NPHS1: variants seen among roughly 807,000 people sequenced by gnomAD.
The protein encoded by NPHS1 is nephrin.
Under a neutral mutation model 139.7 loss-of-function variants are expected in NPHS1, and 107 were observed. That is an observed-to-expected ratio of 0.77 (90% CI 0.66 to 0.90). The LOEUF is 0.90. NPHS1 is among the 40% of genes least tolerant of loss of function. NPHS1 has a pLI of 0.00. For synonymous variants in NPHS1, 707 were observed against 706.6 expected, an observed-to-expected ratio of 1.00 and a Z score of -0.01; for missense variants, 1,580 against 1,654.2, an observed-to-expected ratio of 0.96 and a Z score of 0.78.
At chr19:35,830,798 C>G (rs1489494151) in intron 28 of NPHS1, 46 bp downstream of exon 28, 1 of 1,214,228 alleles carries the variant, frequency 8.2e-7, no homozygotes. Flanking sequence ...GAGGTAGGCT[C>G]CCAGCACTAG....
chr19:35,826,389 C>T lies in NPHS1; in HGVS notation c.*125G>A, dbSNP rs1230512514. 6.2e-6 allele frequency: 7 copies of T among 1,136,400 alleles called. No homozygotes were observed. The highest frequency in any genetic ancestry group is 1.8e-5 in the Admixed American group (1 of 55,010). The allele number at this position is 1,136,400 out of a possible 1,614,324, so 70.4% of individuals were successfully genotyped here. ...TGTCACTCAGCCCCCTCCATGTCCT[C>T]TCCTGACACCAAGTCCCTTTGGGTT... On this transcript the variant is annotated 3_prime_UTR_variant, in exon 29 of 29. Transcript: ENST00000378910.
At chr19:35,847,865 A>C in intron 11 of NPHS1, 176 bp downstream of exon 11, 1 of 654,626 alleles carries the variant, frequency 1.5e-6, no homozygotes, top group Non-Finnish European at 2.5e-6. Flanking sequence ...CTAGGATTCC[A>C]TTTAATTCTC....
At chr19:35,836,457 C>T (rs1053030319) in intron 22 of NPHS1, among the ~76,000 whole-genome samples, 1 of 152,022 alleles carries the variant, frequency 6.6e-6, no homozygotes, top group Non-Finnish European at 1.5e-5. Context: ...TTTCGGTGTG[C>T]AAGGTCCTTT....
intron 28 of NPHS1, among the ~76,000 whole-genome samples, chr19:35,827,508 C>T (rs1972814412): frequency 6.6e-6 from 1 of 152,092 alleles, no homozygotes; most frequent in Non-Finnish European, 1.5e-5. Flanking sequence ...AACCCTTGGT[C>T]AATTGATTTC....
In NPHS1 at chr19:35,831,071, C is replaced by T; in HGVS notation, c.3463G>A (p.Glu1155Lys). Residue 1155 changes from glutamate (E) to lysine (K), a missense_variant, in exon 27 of 29, where the codon GAG becomes AAG. Glu to Lys is a moderately conservative substitution (Grantham distance 56). Coordinates refer to ENST00000378910, the MANE Select transcript of NPHS1 (RefSeq NM_004646.4). ...FSPQLPPTQE[E>K]VSYSRGFTGE... Reference sequence around the variant, plus strand: ...AACTCACCTCGGGAATAAGACACCTCCTCCTGCGTCGGGGGCAGCTGGGGG... The same window carrying T: ...AACTCACCTCGGGAATAAGACACCTTCTCCTGCGTCGGGGGCAGCTGGGGG... 1.2e-6 allele frequency: 2 copies of T among 1,614,126 alleles called. No individual in the cohort carries two copies. The highest frequency in any genetic ancestry group is 1.7e-6 in the Non-Finnish European group (2 of 1,180,018).
In NPHS1 at chr19:35,831,727, C is replaced by A; in HGVS notation, c.3202G>T (p.Ala1068Ser). The A allele has an allele frequency of 6.3e-7, 1 of 1,588,586 alleles. No individual in the cohort carries two copies. Among genetic ancestry groups the A allele is most frequent in the South Asian group, 1.1e-5 (1 of 87,838 alleles). ...SGLPLLPVLF[A>S]LGGLLLLSNA... ...GAGAGGAGCAGAAGCCCCCCAAGAG[C>A]GAACAGCACAGGCAGCAGGGGCAGC... The change falls in exon 24 of 29, where the codon GCT (alanine) becomes TCT (serine). Residue 1068 changes from alanine to serine, a missense_variant. Transcript: ENST00000378910.
At chr19:35,836,951 A>G (rs1408412640) in intron 22 of NPHS1, among the ~76,000 whole-genome samples, 3 of 149,740 alleles carry the variant, frequency 2.0e-5, no homozygotes, top group African/African-American at 7.4e-5. Context: ...AGCCGAGATC[A>G]TGCCACTGTA....
At position 35,845,235 on chromosome 19, in the gene NPHS1, A is replaced by T; in HGVS notation, c.1930+133T>A. The stretch of plus-strand genomic sequence containing the variant: ...CAGTGACCTATGATTGCGTCACTGC[A>T]TTGCAGCCTGAGCGACAAAAAATGA... On this transcript the variant is annotated intron_variant, in intron 14 of 28. Coordinates refer to ENST00000378910, the MANE Select transcript of NPHS1 (RefSeq NM_004646.4). This position sits in a 1 kb window ranked among gnomAD's most constrained non-coding sequence, Gnocchi z 5.5. 1 of 1,028,988 alleles carries T rather than the reference A, an allele frequency of 9.7e-7. No homozygotes were observed. The highest frequency in any genetic ancestry group is 1.5e-6 in the Non-Finnish European group (1 of 674,878). The allele number at this position is 1,028,988 out of a possible 1,614,324, so 63.7% of individuals were successfully genotyped here. A position where few individuals can be genotyped will look rare whatever the true frequency, so the allele number is the denominator to read the frequency against.
intron 28 of NPHS1, among the ~76,000 whole-genome samples, chr19:35,828,478 C>T (rs996561876): frequency 2.6e-5 from 4 of 152,128 alleles, no homozygotes; most frequent in African/African-American, 4.8e-5. Context: ...GTTGGTCAGG[C>T]TGGTCTCAAA....
At chr19:35,830,334 C>T (rs1972859397) in intron 28 of NPHS1, among the ~76,000 whole-genome samples, 1 of 152,254 alleles carries the variant, frequency 6.6e-6, no homozygotes, top group South Asian at 2.1e-4. Context: ...GGGTTGAACC[C>T]CCAGTGAACT....
chr19:35,845,425 C>G lies in NPHS1; in HGVS notation c.1873G>C (p.Ala625Pro). 1 of 1,614,196 alleles carries G rather than the reference C, an allele frequency of 6.2e-7. No individual in the cohort carries two copies. The highest frequency in any genetic ancestry group is 1.1e-5 in the South Asian group (1 of 91,086). The change falls in exon 14 of 29, where the codon GCC (alanine) becomes CCC (proline). Residue 625 changes from alanine (A) to proline (P), a missense_variant. Ala to Pro is a conservative substitution (Grantham distance 27, BLOSUM62 -1). Coordinates refer to ENST00000378910, the MANE Select transcript of NPHS1 (RefSeq NM_004646.4). This position sits in a 1 kb window ranked among gnomAD's most constrained non-coding sequence, Gnocchi z 5.5. ...GTTTCGCGGAGCTCGGCGCTGTGGG[C>G]GCGGCAGGTCACGCGCTGGCCATGA... ...RDHGQRVTCR[A>P]HSAELRETVS...
rs1337775973 is a variant in NPHS1 at position 35,845,452 on chromosome 19, C to G, written c.1846G>C (p.Asp616His). 1.2e-6 allele frequency: 2 copies of G among 1,614,044 alleles called. No homozygotes were observed. The highest frequency in any genetic ancestry group is 1.7e-5 in the Admixed American group (1 of 60,004). The change falls in exon 14 of 29, where the codon GAT becomes CAT. Residue 616 changes from aspartate (D) to histidine (H), a missense_variant. Coordinates refer to ENST00000378910, the MANE Select transcript of NPHS1 (RefSeq NM_004646.4). The surrounding 1 kb of genome is among the most constrained non-coding windows in gnomAD (Gnocchi z 5.5). ...RSVLLQVSSR[D>H]HGQRVTCRAH... ...CGGCAGGTCACGCGCTGGCCATGATCGCGGGATGACACTTGCAGAAGGACG... is the reference window on the plus strand; with the variant it reads ...CGGCAGGTCACGCGCTGGCCATGATGGCGGGATGACACTTGCAGAAGGACG...
chr19:35,827,380 TTGAGCCCCGGAG>T (rs1226080211), intron 28 of NPHS1, among the ~76,000 whole-genome samples: 1 of 152,078 alleles, frequency 6.6e-6, no homozygotes, highest in Non-Finnish European at 1.5e-5. Context: ...AGAGGATCGC[TTGAGCCCCGGAG>T]GTCAAGGCTG....
In NPHS1 at chr19:35,844,476, G is replaced by T. The variant is rs756917373; in HGVS notation, c.1931-17C>A. On this transcript the variant is annotated splice_polypyrimidine_tract_variant and intron_variant, in intron 14 of 28. Coordinates refer to ENST00000378910, the MANE Select transcript of NPHS1 (RefSeq NM_004646.4). The stretch of plus-strand genomic sequence containing the variant: ...CTGGACGGTCTTCAGAGGGGGCGCC[G>T]CAGGGAGTCAAGATTGTTGTTAAGG... The T allele has an allele frequency of 1.9e-6, 3 of 1,553,830 alleles. No homozygotes were observed. The highest frequency in any genetic ancestry group is 2.6e-6 in the Non-Finnish European group (3 of 1,152,176).
intron 8 of NPHS1, 54 bp downstream of exon 8, chr19:35,848,921 CA>C: frequency 6.2e-7 from 1 of 1,611,072 alleles, no homozygotes; most frequent in Non-Finnish European, 8.5e-7. Flanking sequence ...GGGGCACACA[CA>C]GATGGTTCTC....
At position 35,844,106 on chromosome 19, in the gene NPHS1, G is replaced by A. The variant is rs1169446435; in HGVS notation, c.2209C>T (p.His737Tyr). 3 of 1,607,438 alleles carry A rather than the reference G, an allele frequency of 1.9e-6. No individual in the cohort carries two copies. In the South Asian group the frequency reaches 3.3e-5, roughly 18 times the overall value. ...TTCCATGGTGGGCGGGGCTCACAGTGCACGTCCAGCCGCAGCCGCGCTTCC... is the reference window on the plus strand; with the variant it reads ...TTCCATGGTGGGCGGGGCTCACAGTACACGTCCAGCCGCAGCCGCGCTTCC... Reference protein sequence around the residue: ...TAEARLRLDVHYAPTIRALQD... With the variant: ...TAEARLRLDVYYAPTIRALQD... The change falls in exon 16 of 29, where the codon CAC (histidine) becomes TAC (tyrosine). Residue 737 changes from histidine (H) to tyrosine (Y), a missense_variant. By Grantham distance (83) the His-to-Tyr change is moderately conservative (BLOSUM62 2). Coordinates refer to ENST00000378910, the MANE Select transcript of NPHS1 (RefSeq NM_004646.4).
At chr19:35,850,678 T>C (rs1216962763) in intron 4 of NPHS1, among the ~76,000 whole-genome samples, 1 of 152,078 alleles carries the variant, frequency 6.6e-6, no homozygotes, top group Non-Finnish European at 1.5e-5. Context: ...TGCTGGGTTG[T>C]ACCATGCACC....
At chr19:35,835,132 G>C (rs1185907432) in intron 23 of NPHS1, among the ~76,000 whole-genome samples, 1 of 147,464 alleles carries the variant, frequency 6.8e-6, no homozygotes, top group African/African-American at 2.5e-5. Context: ...CCTGGGAGGT[G>C]GAGGTTGCAG....
In NPHS1 at chr19:35,850,381, A is replaced by G; in HGVS notation, c.591T>C (p.Thr197=). The part of the protein sequence containing the change: ...VNEGSQQKLF[T]VEATARVTPR... Reference sequence around the variant, plus strand: ...TTCCACACCTGGCTGTGGCCTCCACAGTGAAGAGTTTCTGCTGGGAGCCCT... The same window carrying G: ...TTCCACACCTGGCTGTGGCCTCCACGGTGAAGAGTTTCTGCTGGGAGCCCT... Residue 197 remains threonine (T), a synonymous_variant, in exon 5 of 29, where the codon ACT becomes ACC. Transcript: ENST00000378910. 1 of 1,614,022 alleles carries G rather than the reference A, an allele frequency of 6.2e-7. No homozygotes were observed. The highest frequency in any genetic ancestry group is 8.5e-7 in the Non-Finnish European group (1 of 1,179,906).
Sources: gnomAD v4.1 joint callset for allele counts (sites outside exome capture counted in the v4.1 genomes callset) on GRCh38, gnomAD v4.1.1 for gene constraint, Gnocchi (gnomAD v3.1) non-coding constraint, MANE v1.5 for transcripts, NCBI Gene and HGNC (gene_info 2026-07-23, HGNC 2026-07-21) for gene names.